STXBP4: variants seen among roughly 807,000 people sequenced by gnomAD.
STXBP4 encodes syntaxin binding protein 4.
In STXBP4, 55 loss-of-function variants were observed where a neutral mutation model predicts 76.1. The observed-to-expected ratio is 0.72, with a 90% CI of 0.58 to 0.91. STXBP4 has a LOEUF of 0.91. Among genes scored for constraint, STXBP4 ranks in the 40% least tolerant of loss-of-function variants. The pLI is 0.00. For missense variants in STXBP4, 618 were observed against 636.9 expected (o/e 0.97, Z 0.32); for synonymous variants, 201 against 220.2 (o/e 0.91, Z 0.77).
At chr17:55,056,982 T>C (rs1232754901) in intron 12 of STXBP4, among the ~76,000 whole-genome samples, 1 of 152,254 alleles carries the variant, frequency 6.6e-6, no homozygotes, top group Admixed American at 6.5e-5. Context: ...AATTAAGATC[T>C]GCATATTAGC....
At chr17:55,070,157 T>C (rs545399989) in intron 12 of STXBP4, among the ~76,000 whole-genome samples, 8 of 152,344 alleles carry the variant, frequency 5.3e-5, no homozygotes, top group Non-Finnish European at 1.0e-4. Context: ...AAATCTTAGC[T>C]CTGTCACTTA....
intron 16 of STXBP4, among the ~76,000 whole-genome samples, chr17:55,091,533 G>C (rs1400636769): frequency 3.3e-5 from 5 of 152,088 alleles, no homozygotes; most frequent in African/African-American, 1.2e-4. Flanking sequence ...CTCATGTGAT[G>C]GGTGGTAGTC....
At chr17:55,197,842 A>G in the STXBP4 span, among the ~76,000 whole-genome samples, 1 of 152,182 alleles carries the variant, frequency 6.6e-6, no homozygotes, top group Non-Finnish European at 1.5e-5. Context: ...GAAACACCAA[A>G]TGTTGGATTT....
chr17:55,137,512 A>AGTT (rs1218914574), intron 16 of STXBP4, among the ~76,000 whole-genome samples: 4 of 152,144 alleles, frequency 2.6e-5, no homozygotes, highest in African/African-American at 7.2e-5. Flanking sequence ...CTATAGGATA[A>AGTT]GTTTCTACAA....
chr17:55,023,922 A>G (rs2078364281), intron 8 of STXBP4, among the ~76,000 whole-genome samples: 1 of 148,454 alleles, frequency 6.7e-6, no homozygotes, highest in Non-Finnish European at 1.5e-5. Flanking sequence ...TTTCCAAAAA[A>G]AAAAAAAAAA....
rs1019938660 is a variant in STXBP4 at position 55,168,836 on chromosome 17, A to G, written c.*8925A>G. 6.6e-6 allele frequency: 1 copy of G among 152,170 alleles called. No homozygotes were observed. The highest frequency in any genetic ancestry group is 1.5e-5 in the Non-Finnish European group (1 of 68,030). 9.4% of individuals were successfully genotyped at this position (152,170 alleles called of 1,614,324 possible). The stretch of plus-strand genomic sequence containing the variant: ...TTTCCCTGTCTTAGACATCCATTCT[A>G]CAACTCTGATGCTGGCACATTTTTT... On this transcript the variant is annotated 3_prime_UTR_variant, in exon 18 of 18. Transcript: ENST00000376352.
At chr17:55,157,207 C>A (rs2080288317) in intron 17 of STXBP4, among the ~76,000 whole-genome samples, 1 of 152,082 alleles carries the variant, frequency 6.6e-6, no homozygotes, top group South Asian at 2.1e-4. Context: ...TGCTGATAAA[C>A]ATTAAAGTAT....
chr17:55,091,538 G>A (rs2079414653), intron 16 of STXBP4, among the ~76,000 whole-genome samples: 1 of 152,066 alleles, frequency 6.6e-6, no homozygotes, highest in African/African-American at 2.4e-5. Flanking sequence ...GTGATGGGTG[G>A]TAGTCAAAAC....
Position 55,094,165 on chromosome 17 carries a change from G to GAAAAAAA in STXBP4, c.1489+12994_1489+13000dup, listed in dbSNP as rs34886189. Among the ~76,000 whole-genome samples, 6 of 108,232 alleles carry GAAAAAAA rather than the reference G, an allele frequency of 5.5e-5. 2 individuals are homozygous for GAAAAAAA. Among genetic ancestry groups the GAAAAAAA allele is most frequent in the Admixed American group, 9.9e-5 (1 of 10,114 alleles). The allele number at this position is 108,232 out of a possible 152,430, so 71.0% of individuals were successfully genotyped here. On this transcript the variant is annotated intron_variant, in intron 16 of 17. Transcript: ENST00000376352. ...CAAACTTGACATACTTGAGGGACAGGAAAAAAAAAAAAAAAAAAGCCAGTG... is the reference window on the plus strand; with the variant it reads ...CAAACTTGACATACTTGAGGGACAGGAAAAAAAAAAAAAAAAAAAAAAAAAGCCAGTG...
At chr17:55,046,560 A>T (rs1365772733) in intron 11 of STXBP4, among the ~76,000 whole-genome samples, 1 of 151,870 alleles carries the variant, frequency 6.6e-6, no homozygotes, top group Admixed American at 6.6e-5. Flanking sequence ...AAATCCAAAG[A>T]TATTTTATGT....
chr17:55,098,155 G>A (rs190473615), intron 16 of STXBP4, among the ~76,000 whole-genome samples: 6 of 152,082 alleles, frequency 3.9e-5, no homozygotes, highest in East Asian at 3.9e-4. Flanking sequence ...TACTAATGTC[G>A]ATTTATATGA....
intron 17 of STXBP4, among the ~76,000 whole-genome samples, chr17:55,141,950 C>T (rs182796853): frequency 6.6e-6 from 1 of 152,226 alleles, no homozygotes; most frequent in Admixed American, 6.5e-5. Flanking sequence ...ACAAACCTTA[C>T]CTCAGTGGAT....
At chr17:55,000,331 A>G (rs1249396170) in intron 6 of STXBP4, 63 of 890,952 alleles carry the variant, frequency 7.1e-5, no homozygotes, top group East Asian at 1.2e-4. Flanking sequence ...GGGAATTTCT[A>G]TATCAGAATT....
chr17:55,145,289 G>T (rs181765301), intron 17 of STXBP4, among the ~76,000 whole-genome samples: 2 of 152,294 alleles, frequency 1.3e-5, no homozygotes, highest in Admixed American at 1.3e-4. Flanking sequence ...TTACCATATA[G>T]ATGATGCTTT....
chr17:55,137,058 A>G (rs2080036834), intron 16 of STXBP4, among the ~76,000 whole-genome samples: 2 of 152,134 alleles, frequency 1.3e-5, no homozygotes, highest in African/African-American at 4.8e-5. Context: ...CATCACTACT[A>G]TATAAATGAC....
chr17:55,192,465 A>G, the STXBP4 span, among the ~76,000 whole-genome samples: 1 of 152,294 alleles, frequency 6.6e-6, no homozygotes, highest in South Asian at 2.1e-4. Flanking sequence ...AAATTAACCT[A>G]TCAAGTTAGT....
intron 17 of STXBP4, among the ~76,000 whole-genome samples, chr17:55,158,120 G>A (rs1447181499): frequency 1.3e-5 from 2 of 152,188 alleles, no homozygotes; most frequent in Non-Finnish European, 2.9e-5. Flanking sequence ...AGGCTGGAAT[G>A]TAGTGGATCA....
At chr17:55,084,706 C>T (rs1366985553) in intron 16 of STXBP4, among the ~76,000 whole-genome samples, 3 of 151,960 alleles carry the variant, frequency 2.0e-5, no homozygotes, top group Non-Finnish European at 4.4e-5. Context: ...ATATGGCTAG[C>T]CAGTTTTCCC....
At chr17:55,015,606 G>A (rs1236477283) in intron 8 of STXBP4, among the ~76,000 whole-genome samples, 1 of 151,660 alleles carries the variant, frequency 6.6e-6, no homozygotes, top group Non-Finnish European at 1.5e-5. Context: ...CATGCACTCT[G>A]GCTGGACCAA....
Sources: gnomAD v4.1 joint callset for allele counts (sites outside exome capture counted in the v4.1 genomes callset) on GRCh38, gnomAD v4.1.1 for gene constraint, MANE v1.5 for transcripts, NCBI Gene and HGNC (gene_info 2026-07-23, HGNC 2026-07-21) for gene names.